Variants in MATN2 observed in about 807,000 individuals in gnomAD.
MATN2 encodes matrilin-2.
Under a neutral mutation model 103.2 loss-of-function variants are expected in MATN2, and 69 were observed. The observed-to-expected ratio is 0.67, with a 90% CI of 0.55 to 0.82. MATN2 has a LOEUF of 0.82. Among genes scored for constraint, MATN2 ranks in the 40% least tolerant of loss-of-function variants. The pLI, the probability that MATN2 is intolerant of heterozygous loss-of-function variation, is 0.00. For missense variants in MATN2, 1,023 were observed against 1,211.5 expected, an observed-to-expected ratio of 0.84 and a Z score of 2.31; for synonymous variants, 429 against 450.2, an observed-to-expected ratio of 0.95 and a Z score of 0.60.
At chr8:97,908,234 G>A (rs537515425) in intron 2 of MATN2, among the ~76,000 whole-genome samples, 4 of 152,102 alleles carry the variant, frequency 2.6e-5, no homozygotes, top group African/African-American at 9.6e-5. Flanking sequence ...TCCAGCCTGG[G>A]CAACAAGAGT....
intron 4 of MATN2, among the ~76,000 whole-genome samples, chr8:97,943,356 C>A (rs1413953004): frequency 6.6e-6 from 1 of 151,960 alleles, no homozygotes; most frequent in African/African-American, 2.4e-5. Context: ...CTCAGCTTCC[C>A]ACCATCTTGC....
chr8:98,018,214 T>C, intron 12 of MATN2, 98 bp downstream of exon 12: 2 of 1,458,500 alleles, frequency 1.4e-6, no homozygotes, highest in South Asian at 2.4e-5. Flanking sequence ...ATTACCACTG[T>C]CACAAGTGTC....
intron 2 of MATN2, among the ~76,000 whole-genome samples, chr8:97,930,082 C>G (rs1009216832): frequency 2.0e-5 from 3 of 152,220 alleles, no homozygotes; most frequent in Non-Finnish European, 2.9e-5. Context: ...GTGATCCACT[C>G]GATGTGCTCC....
At position 98,027,774 on chromosome 8, in the gene MATN2, C is replaced by A; in HGVS notation, c.2301C>A (p.Thr767=). Reference sequence around the variant, plus strand: ...TGCCCAGAGCAGCCATTGTGTTCACCGACGGACGGGCTCAGGATGACGTCT... The same window carrying A: ...TGCCCAGAGCAGCCATTGTGTTCACAGACGGACGGGCTCAGGATGACGTCT... ...TRVPRAAIVF[T]DGRAQDDVSE... The change falls in exon 14 of 19, where the codon ACC becomes ACA. Residue 767 remains threonine (T), a synonymous_variant. Transcript: ENST00000254898. 5 of 1,605,274 alleles carry A rather than the reference C, an allele frequency of 3.1e-6. No homozygotes were observed. The highest frequency in any genetic ancestry group is 2.7e-5 in the African/African-American group (2 of 74,398).
At chr8:97,911,235 C>T (rs1035675541) in intron 2 of MATN2, among the ~76,000 whole-genome samples, 9 of 151,794 alleles carry the variant, frequency 5.9e-5, no homozygotes, top group African/African-American at 1.7e-4. Flanking sequence ...TCCAGTGATC[C>T]GCCCGCCTCA....
intron 6 of MATN2, among the ~76,000 whole-genome samples, chr8:97,987,558 T>C (rs1812235738): frequency 1.3e-5 from 2 of 152,228 alleles, no homozygotes; most frequent in Non-Finnish European, 2.9e-5. Context: ...TACCTGTTCT[T>C]CATAAAATTA....
At position 97,931,544 on chromosome 8, in the gene MATN2, C is replaced by G; in HGVS notation, c.712+22C>G. The G allele has an allele frequency of 1.9e-6, 3 of 1,571,748 alleles. No individual in the cohort carries two copies. The highest frequency in any genetic ancestry group is 4.5e-5 in the East Asian group (2 of 44,636). On this transcript the variant is annotated intron_variant, in intron 3 of 18. Transcript: ENST00000254898. This position sits in a 1 kb window ranked among gnomAD's most constrained non-coding sequence, Gnocchi z 4.1. ...TGCAGTAAGTCCTGCTCCTTTGTCACTCTTCTAGAGGAACCACTAGAATTC... is the reference window on the plus strand; with the variant it reads ...TGCAGTAAGTCCTGCTCCTTTGTCAGTCTTCTAGAGGAACCACTAGAATTC...
intron 13 of MATN2, 61 bp downstream of exon 13, chr8:98,021,388 G>T: frequency 6.4e-7 from 1 of 1,566,692 alleles, no homozygotes; most frequent in Non-Finnish European, 8.7e-7. Context: ...GCTTTTTGGA[G>T]TATTTTCAGG....
At chr8:97,933,005 T>C (rs773356084) in intron 3 of MATN2, among the ~76,000 whole-genome samples, 2 of 152,190 alleles carry the variant, frequency 1.3e-5, no homozygotes, top group Non-Finnish European at 2.9e-5. Context: ...ATTCTAGACC[T>C]CTAAGATATA....
At chr8:97,956,655 T>A (rs1376860741) in intron 4 of MATN2, among the ~76,000 whole-genome samples, 1 of 152,218 alleles carries the variant, frequency 6.6e-6, no homozygotes, top group African/African-American at 2.4e-5. Flanking sequence ...AAGCTGCTTC[T>A]GCCCCAGCCC....
At chr8:98,019,029 A>T (rs1813477182) in intron 12 of MATN2, among the ~76,000 whole-genome samples, 2 of 149,056 alleles carry the variant, frequency 1.3e-5, no homozygotes, top group East Asian at 3.9e-4. Flanking sequence ...ATTATATATA[A>T]ATATAATAGA....
chr8:97,997,823 T>TG (rs1392856894), intron 7 of MATN2, among the ~76,000 whole-genome samples: 3 of 151,338 alleles, frequency 2.0e-5, no homozygotes, highest in East Asian at 3.9e-4. Flanking sequence ...GAAGGTTTTT[T>TG]TTTTTTTTTT....
At chr8:97,887,393 G>A (rs1183608369) in intron 1 of MATN2, among the ~76,000 whole-genome samples, 1 of 152,114 alleles carries the variant, frequency 6.6e-6, no homozygotes, top group Non-Finnish European at 1.5e-5. Flanking sequence ...CTAACTGTGT[G>A]TGACCTTGGG....
At chr8:97,944,524 T>G (rs1810682406) in intron 4 of MATN2, among the ~76,000 whole-genome samples, 1 of 152,232 alleles carries the variant, frequency 6.6e-6, no homozygotes, top group Admixed American at 6.5e-5. Context: ...CTTCACTGTC[T>G]GCAGATCTGG....
In MATN2 at chr8:98,007,470, G is replaced by A. The variant is rs1813012676; in HGVS notation, c.1451-9G>A. ...CTGATAAAGGGCTGCCTGGCTTTTGGTTTTGCAGGGGTGGATTACTGCCTG... is the reference window on the plus strand; with the variant it reads ...CTGATAAAGGGCTGCCTGGCTTTTGATTTTGCAGGGGTGGATTACTGCCTG... On this transcript the variant is annotated splice_polypyrimidine_tract_variant and intron_variant, in intron 9 of 18. Transcript: ENST00000254898. The surrounding 1 kb of genome is among the most constrained non-coding windows in gnomAD (Gnocchi z 4.2). 1.2e-6 allele frequency: 2 copies of A among 1,608,892 alleles called. No homozygotes were observed. The highest frequency in any genetic ancestry group is 2.2e-5 in the East Asian group (1 of 44,716).
intron 10 of MATN2, among the ~76,000 whole-genome samples, chr8:98,012,046 T>C (rs1488960746): frequency 1.2e-4 from 18 of 152,238 alleles, no homozygotes; most frequent in Admixed American, 1.2e-3. Flanking sequence ...ATGTTTTCTT[T>C]CTCCCTCTTG....
chr8:97,936,825 G>A (rs972415191), intron 3 of MATN2, among the ~76,000 whole-genome samples: 4 of 152,168 alleles, frequency 2.6e-5, no homozygotes, highest in Admixed American at 2.6e-4. Flanking sequence ...CATGAGGCCT[G>A]GATGCTCTGA....
At chr8:98,020,171 G>T (rs1813536572) in intron 12 of MATN2, among the ~76,000 whole-genome samples, 1 of 151,964 alleles carries the variant, frequency 6.6e-6, no homozygotes, top group African/African-American at 2.4e-5. Flanking sequence ...TTTGAGACAG[G>T]GTCTCACTCT....
intron 2 of MATN2, among the ~76,000 whole-genome samples, chr8:97,891,097 C>T (rs555657045): frequency 7.9e-5 from 12 of 152,138 alleles, no homozygotes; most frequent in Admixed American, 3.3e-4. Flanking sequence ...TGCCAGATGC[C>T]GGTTGGGGGT....
Sources: gnomAD v4.1 joint callset for allele counts (sites outside exome capture counted in the v4.1 genomes callset) on GRCh38, gnomAD v4.1.1 for gene constraint, Gnocchi (gnomAD v3.1) non-coding constraint, MANE v1.5 for transcripts, NCBI Gene and HGNC (gene_info 2026-07-23, HGNC 2026-07-21) for gene names.